FMNL1: variants seen among roughly 807,000 people sequenced by gnomAD.
FMNL1 encodes the protein formin like 1, also known as formin-like protein 1.
FMNL1 carries 43 observed loss-of-function variants against 121.3 expected under a neutral mutation model. The observed-to-expected ratio is 0.35, with a 90% CI of 0.28 to 0.46. The LOEUF is 0.46. Among genes scored for constraint, FMNL1 ranks in the 20% least tolerant of loss-of-function variants. FMNL1 has a pLI of 1.00. For synonymous variants in FMNL1, 613 were observed against 613.5 expected (o/e 1.00, Z 0.01); for missense variants, 1,191 against 1,482.4 (o/e 0.80, Z 3.23).
In FMNL1 at chr17:45,221,959, G is replaced by A. The variant is rs1025965637; in HGVS notation, c.-166G>A. The stretch of plus-strand genomic sequence containing the variant: ...CCGCCCCGATGGGACGCCGCGCTCC[G>A]GCCCCTGCGCGCCGCTGAGCCGAGC... On this transcript the variant is annotated 5_prime_UTR_variant, in exon 1 of 27. Coordinates refer to ENST00000331495, the MANE Select transcript of FMNL1 (RefSeq NM_005892.4). 1.2e-4 allele frequency: 49 copies of A among 414,824 alleles called. No homozygotes were observed. Among genetic ancestry groups the A allele is most frequent in the African/African-American group, 7.6e-4 (36 of 47,184 alleles). 25.7% of individuals were successfully genotyped at this position (414,824 alleles called of 1,614,324 possible). A position where few individuals can be genotyped will look rare whatever the true frequency, so the allele number is the denominator to read the frequency against.
Position 45,241,742 on chromosome 17 carries a change from C to G in FMNL1, c.1586-105C>G. 1 of 1,430,656 alleles carries G rather than the reference C, an allele frequency of 7.0e-7. No homozygotes were observed. Among genetic ancestry groups the G allele is most frequent in the South Asian group, 1.5e-5 (1 of 67,456 alleles). 88.6% of individuals were successfully genotyped at this position (1,430,656 alleles called of 1,614,324 possible). On this transcript the variant is annotated intron_variant, in intron 14 of 26. Transcript: ENST00000331495. The surrounding 1 kb of genome is among the most constrained non-coding windows in gnomAD (Gnocchi z 7.0). ...GCGAGGGAGGTTTGGATTGTAGGCT[C>G]GGCTCAGGTAGGAGCGCATGCGTAG... is the stretch of plus-strand genomic sequence containing the variant.
rs768010499 is a variant in FMNL1, at chr17:45,234,214, A to G, written c.614+14A>G. 1.9e-6 allele frequency: 3 copies of G among 1,613,862 alleles called. No individual in the cohort carries two copies. On this transcript the variant is annotated intron_variant, in intron 6 of 26. Transcript: ENST00000331495. ...CCTGACCATCAAGTATGTGGGCCACAAAGTGGGGTGGTGGGAGAACAGAGA... is the reference window on the plus strand; with the variant it reads ...CCTGACCATCAAGTATGTGGGCCACGAAGTGGGGTGGTGGGAGAACAGAGA...
intron 23 of FMNL1, 43 bp downstream of exon 23, chr17:45,245,776 A>T: frequency 6.2e-7 from 1 of 1,612,340 alleles, no homozygotes; most frequent in Non-Finnish European, 8.5e-7. Context: ...TAGGGCACTG[A>T]AGCCTTTCTA....
chr17:45,222,892 G>C (rs1323650242), intron 1 of FMNL1, among the ~76,000 whole-genome samples: 8 of 152,174 alleles, frequency 5.3e-5, no homozygotes, highest in Non-Finnish European at 4.4e-5. Flanking sequence ...GCCCAGGCTA[G>C]GGGTGGAGCA....
At chr17:45,226,707 C>G (rs1034903359) in intron 1 of FMNL1, among the ~76,000 whole-genome samples, 18 of 151,784 alleles carry the variant, frequency 1.2e-4, no homozygotes, top group African/African-American at 4.1e-4. Context: ...GAGATTAATT[C>G]TGAGTGAAAA....
chr17:45,228,701 A>G (rs1042308149), intron 1 of FMNL1, among the ~76,000 whole-genome samples: 1 of 152,128 alleles, frequency 6.6e-6, no homozygotes, highest in Non-Finnish European at 1.5e-5. Context: ...GCCCCTAGAA[A>G]TGCCGCTGGG....
intron 1 of FMNL1, among the ~76,000 whole-genome samples, chr17:45,223,117 AC>A (rs1199630683): frequency 6.6e-6 from 1 of 151,950 alleles, no homozygotes; most frequent in Non-Finnish European, 1.5e-5. Context: ...CACTCTCCCC[AC>A]CCCCGACGCC....
At chr17:45,240,916 C>T in intron 12 of FMNL1, 1 of 706,528 alleles carries the variant, frequency 1.4e-6, no homozygotes, top group South Asian at 1.8e-5. Flanking sequence ...CAGTCTCCTC[C>T]TCTCCCTCCA....
chr17:45,245,181 C>T, intron 21 of FMNL1, 72 bp from the exon 22 acceptor site: 1 of 1,610,664 alleles, frequency 6.2e-7, no homozygotes, highest in Non-Finnish European at 8.5e-7. Flanking sequence ...AGCTAGGGGG[C>T]CACAGTATAT....
chr17:45,244,574 A>G (rs888604323), intron 19 of FMNL1, among the ~76,000 whole-genome samples: 14 of 152,162 alleles, frequency 9.2e-5, no homozygotes, highest in African/African-American at 3.1e-4. Flanking sequence ...GCTGGCAACA[A>G]GTTGTGGGTT....
chr17:45,228,137 A>G (rs2043366909), intron 1 of FMNL1, among the ~76,000 whole-genome samples: 1 of 152,014 alleles, frequency 6.6e-6, no homozygotes, highest in African/African-American at 2.4e-5. Context: ...ACCCCGAGTG[A>G]GTGGCATCTG....
chr17:45,241,933 C>T lies in FMNL1; in HGVS notation c.1672C>T (p.Pro558Ser). The change falls in exon 15 of 27, where the codon CCG (proline) becomes TCG (serine). Residue 558 changes from proline to serine, a missense_variant. Physicochemically the swap from Pro to Ser is moderately conservative, Grantham distance 74 (BLOSUM62 -1). Coordinates refer to ENST00000331495, the MANE Select transcript of FMNL1 (RefSeq NM_005892.4). This position sits in a 1 kb window ranked among gnomAD's most constrained non-coding sequence, Gnocchi z 7.0. ...CGGCCTCCCCTCCCCGCAGGAAGCCCCGCCCTCTGCGCCCCCACAGGCCCC... is the reference window on the plus strand; with the variant it reads ...CGGCCTCCCCTCCCCGCAGGAAGCCTCGCCCTCTGCGCCCCCACAGGCCCC... ...LPGLPSPQEA[P>S]PSAPPQAPPL... 1 of 1,373,778 alleles carries T rather than the reference C, an allele frequency of 7.3e-7. No individual in the cohort carries two copies. The highest frequency in any genetic ancestry group is 9.3e-7 in the Non-Finnish European group (1 of 1,072,132). The allele number at this position is 1,373,778 out of a possible 1,614,324, so 85.1% of individuals were successfully genotyped here. A position where few individuals can be genotyped will look rare whatever the true frequency, so the allele number is the denominator to read the frequency against.
chr17:45,238,694 G>T (rs1286677780), intron 10 of FMNL1, 56 bp downstream of exon 10: 1 of 1,605,844 alleles, frequency 6.2e-7, no homozygotes, highest in African/African-American at 1.3e-5. Context: ...TGGGTGCAGG[G>T]AGCAGCTAGG....
chr17:45,237,075 G>A lies in FMNL1; in HGVS notation c.724-206G>A, dbSNP rs573026937. On this transcript the variant is annotated intron_variant, in intron 7 of 26. Transcript: ENST00000331495. The surrounding 1 kb of genome is among the most constrained non-coding windows in gnomAD (Gnocchi z 4.4). ...AGAGACTGCGGTGAGCTGAGATGGC[G>A]CCACTGCGCTCCAGCCTGGGTGACA... 3.3e-5 allele frequency among the ~76,000 whole-genome samples: 5 copies of A among 152,252 alleles called. No individual in the cohort carries two copies. The highest frequency in any genetic ancestry group is 2.1e-4 in the South Asian group (1 of 4,822).
In FMNL1 at chr17:45,241,986, G is replaced by T. The variant is rs759883734; in HGVS notation, c.1725G>T (p.Pro575=). 75 of 1,268,514 alleles carry T rather than the reference G, an allele frequency of 5.9e-5. No individual in the cohort carries two copies. The South Asian group carries it at 1.3e-3, about 23-fold the overall frequency. The allele number at this position is 1,268,514 out of a possible 1,614,324, so 78.6% of individuals were successfully genotyped here. A position where few individuals can be genotyped will look rare whatever the true frequency, so the allele number is the denominator to read the frequency against. The change falls in exon 15 of 27, where the codon CCG becomes CCT. Residue 575 remains proline, a synonymous_variant. Coordinates refer to ENST00000331495, the MANE Select transcript of FMNL1 (RefSeq NM_005892.4). This position sits in a 1 kb window ranked among gnomAD's most constrained non-coding sequence, Gnocchi z 7.0. ...APPLPGSPEP[P]PAPPLPGDLP... The stretch of plus-strand genomic sequence containing the variant: ...CTCTCCCTGGCAGCCCGGAGCCCCC[G>T]CCTGCGCCGCCGCTGCCCGGAGACC...
intron 7 of FMNL1, 40 bp downstream of exon 7, chr17:45,236,284 G>T: frequency 6.4e-7 from 1 of 1,558,100 alleles, no homozygotes. Flanking sequence ...AGGGAGCCCA[G>T]CCTGTCCTCA....
At chr17:45,234,238 G>T in intron 6 of FMNL1, 38 bp downstream of exon 6, 1 of 1,613,520 alleles carries the variant, frequency 6.2e-7, no homozygotes, top group Non-Finnish European at 8.5e-7. Context: ...GGAGAACAGA[G>T]AATTCAGCCC....
At chr17:45,239,635 G>A in intron 11 of FMNL1, among the ~76,000 whole-genome samples, 1 of 152,170 alleles carries the variant, frequency 6.6e-6, no homozygotes, top group East Asian at 1.9e-4. Context: ...TGAAAGCCAG[G>A]ATTAACAAAA....
rs369717785 is a variant in FMNL1, at chr17:45,233,221, C to A, written c.328-3C>A. 3 of 1,555,154 alleles carry A rather than the reference C, an allele frequency of 1.9e-6. No homozygotes were observed. The highest frequency in any genetic ancestry group is 2.6e-6 in the Non-Finnish European group (3 of 1,149,128). ...ACCAGCCTTCCCTGTTCTCGGTCCC[C>A]AGTTTAAGAGGCGAGTTCAGGAGTC... On this transcript the variant is annotated splice_region_variant and splice_polypyrimidine_tract_variant and intron_variant, in intron 3 of 26. Coordinates refer to ENST00000331495, the MANE Select transcript of FMNL1 (RefSeq NM_005892.4). The surrounding 1 kb of genome is among the most constrained non-coding windows in gnomAD (Gnocchi z 4.1).
Sources: gnomAD v4.1 joint callset for allele counts (sites outside exome capture counted in the v4.1 genomes callset) on GRCh38, gnomAD v4.1.1 for gene constraint, Gnocchi (gnomAD v3.1) non-coding constraint, MANE v1.5 for transcripts, NCBI Gene and HGNC (gene_info 2026-07-23, HGNC 2026-07-21) for gene names.